The following SHANK2 variants were observed in gnomAD, a reference collection of about 807,000 sequenced individuals.
The protein encoded by SHANK2 is SH3 and multiple ankyrin repeat domains 2, also known as SH3 and multiple ankyrin repeat domains protein 2.
In SHANK2, 43 loss-of-function variants were observed where a neutral mutation model predicts 133.7. The observed-to-expected ratio is 0.32, with a 90% CI of 0.25 to 0.41. SHANK2 has a LOEUF of 0.41. SHANK2 is among the 10% of genes least tolerant of loss of function. The pLI is 1.00. For missense variants in SHANK2, 1,994 were observed against 2,235.8 expected (o/e 0.89, Z 2.18); for synonymous variants, 1,017 against 952.8 (o/e 1.07, Z -1.24).
intron 25 of SHANK2, among the ~76,000 whole-genome samples, chr11:70,477,894 C>T (rs546487371): frequency 2.0e-5 from 3 of 152,296 alleles, no homozygotes; most frequent in Admixed American, 6.5e-5. Flanking sequence ...CAGATGGTTA[C>T]GTTGCTAAGC....
chr11:71,147,728 G>T (rs1318926329), intron 2 of SHANK2, among the ~76,000 whole-genome samples: 5 of 152,246 alleles, frequency 3.3e-5, no homozygotes, highest in African/African-American at 1.2e-4. Context: ...AAAAAAGGCT[G>T]CCTTTTGTTT....
At chr11:70,837,608 T>C (rs1445609088) in intron 11 of SHANK2, among the ~76,000 whole-genome samples, 1 of 152,178 alleles carries the variant, frequency 6.6e-6, no homozygotes, top group Non-Finnish European at 1.5e-5. Context: ...CCAAGTAAAC[T>C]GTAAACTGCT....
At chr11:70,786,697 G>C (rs544399713) in intron 14 of SHANK2, among the ~76,000 whole-genome samples, 1 of 152,084 alleles carries the variant, frequency 6.6e-6, no homozygotes, top group Admixed American at 6.6e-5. Flanking sequence ...AGAACTAGAA[G>C]GGGAAAGCCA....
chr11:70,660,852 C>T lies in SHANK2; in HGVS notation c.1936+744G>A, dbSNP rs532536011. Among the ~76,000 whole-genome samples the T allele has an allele frequency of 1.7e-3, 258 of 152,360 alleles. 3 individuals carry two copies. The highest frequency in any genetic ancestry group is 5.9e-3 in the African/African-American group (246 of 41,586). ...CAGCACAGGTGCGGGACCCCTGGCA[C>T]AGCGCGTAAGCTCCAAGATGAAACT... On this transcript the variant is annotated intron_variant, in intron 16 of 25. Coordinates refer to ENST00000601538, the MANE Select transcript of SHANK2 (RefSeq NM_012309.5).
chr11:71,230,787 T>C (rs1377736969), intron 1 of SHANK2, among the ~76,000 whole-genome samples: 2 of 152,172 alleles, frequency 1.3e-5, no homozygotes, highest in African/African-American at 2.4e-5. Flanking sequence ...GCCCAACTGA[T>C]TGCTGATGAA....
chr11:71,226,462 C>T lies in SHANK2; in HGVS notation c.-112-1666G>A, dbSNP rs932322266. ...CAGATTCCAGAAGCTGAACGAATCC[C>T]AAATAGGATAAACCCAAGAAAATTC... On this transcript the variant is annotated intron_variant, in intron 1 of 25. Coordinates refer to ENST00000601538, the MANE Select transcript of SHANK2 (RefSeq NM_012309.5). 25 of 152,220 alleles carry T rather than the reference C, an allele frequency of 1.6e-4. 1 individual carries two copies. The highest frequency in any genetic ancestry group is 5.3e-4 in the African/African-American group (22 of 41,516). 9.4% of individuals were successfully genotyped at this position (152,220 alleles called of 1,614,324 possible). A position where few individuals can be genotyped will look rare whatever the true frequency, so the allele number is the denominator to read the frequency against.
chr11:70,589,590 T>TA (rs57711553), intron 17 of SHANK2, among the ~76,000 whole-genome samples: 1 of 8,280 alleles, frequency 1.2e-4, no homozygotes, highest in Non-Finnish European at 2.1e-4. Context: ...CTTTCAAGCC[T>TA]CATATTTAAG....
intron 14 of SHANK2, among the ~76,000 whole-genome samples, chr11:70,749,874 A>C (rs984151655): frequency 1.3e-5 from 2 of 152,248 alleles, no homozygotes; most frequent in Admixed American, 1.3e-4. Flanking sequence ...TATTACAAAA[A>C]ATCTAAGGAT....
In SHANK2 at chr11:71,133,248, G is replaced by A. The variant is rs1210572030; in HGVS notation, c.207+13872C>T. Among the ~76,000 whole-genome samples the A allele has an allele frequency of 3.5e-5, 5 of 140,938 alleles. No homozygotes were observed. The East Asian group carries it at 8.1e-4, about 23-fold the overall frequency. The allele number at this position is 140,938 out of a possible 152,430, so 92.5% of individuals were successfully genotyped here. Reference sequence around the variant, plus strand: ...TGGATGCACAGATGAATGGATGGATGGATGGATGGATGGATGGATGGATGG... The same window carrying A: ...TGGATGCACAGATGAATGGATGGATAGATGGATGGATGGATGGATGGATGG... On this transcript the variant is annotated intron_variant, in intron 3 of 25. Coordinates refer to ENST00000601538, the MANE Select transcript of SHANK2 (RefSeq NM_012309.5).
chr11:71,202,516 A>T lies in SHANK2; in HGVS notation c.-13+22181T>A, dbSNP rs73539413. ...TAGGACCCAGGTCTTCCAACTCCAC[A>T]CTCAACATCATACCCACATCTCAGG... On this transcript the variant is annotated intron_variant, in intron 2 of 25. Transcript: ENST00000601538. 3.0e-3 allele frequency among the ~76,000 whole-genome samples: 455 copies of T among 152,002 alleles called. 3 individuals are homozygous for T. The highest frequency in any genetic ancestry group is 0.011 in the African/African-American group (440 of 41,454).
intron 14 of SHANK2, among the ~76,000 whole-genome samples, chr11:70,756,373 C>T (rs570619099): frequency 2.6e-5 from 4 of 152,318 alleles, no homozygotes; most frequent in African/African-American, 9.6e-5. Context: ...CTCACTGATC[C>T]TGGGGGCTGG....
chr11:70,773,747 G>A (rs1947303717), intron 14 of SHANK2, among the ~76,000 whole-genome samples: 1 of 152,098 alleles, frequency 6.6e-6, no homozygotes, highest in Admixed American at 6.5e-5. Flanking sequence ...AGTTATTAGG[G>A]GAATGCAAAT....
intron 14 of SHANK2, among the ~76,000 whole-genome samples, chr11:70,707,430 C>T (rs373199350): frequency 2.7e-5 from 4 of 146,598 alleles, no homozygotes; most frequent in Non-Finnish European, 6.0e-5. Flanking sequence ...GAGGTGAGGA[C>T]AGGGTCCTGT....
intron 2 of SHANK2, among the ~76,000 whole-genome samples, chr11:71,161,280 G>A (rs1953009336): frequency 6.6e-6 from 1 of 152,182 alleles, no homozygotes. Flanking sequence ...TAGACAGCAG[G>A]TCCTGAAAGA....
chr11:70,827,915 C>G (rs1164286602), intron 11 of SHANK2, among the ~76,000 whole-genome samples: 2 of 152,238 alleles, frequency 1.3e-5, no homozygotes, highest in East Asian at 3.9e-4. Context: ...GTGAGGGCCT[C>G]TGGCTTTAGG....
chr11:70,587,342 G>C (rs949083821), intron 17 of SHANK2, among the ~76,000 whole-genome samples: 15 of 152,174 alleles, frequency 9.9e-5, no homozygotes, highest in Non-Finnish European at 1.6e-4. Context: ...GGCCCTAATG[G>C]GGCAGAGGGG....
At chr11:71,063,705 G>T (rs1951014163) in intron 9 of SHANK2, among the ~76,000 whole-genome samples, 1 of 152,132 alleles carries the variant, frequency 6.6e-6, no homozygotes, top group African/African-American at 2.4e-5. Flanking sequence ...TTATCTGACA[G>T]GTCTTTATCC....
At chr11:70,724,143 C>T (rs1555029972) in intron 14 of SHANK2, among the ~76,000 whole-genome samples, 1 of 151,580 alleles carries the variant, frequency 6.6e-6, no homozygotes, top group East Asian at 1.9e-4. Context: ...TCCAGCAATT[C>T]TCCTGCCTCA....
At chr11:71,097,394 T>C (rs1247641244) in intron 6 of SHANK2, among the ~76,000 whole-genome samples, 3 of 152,230 alleles carry the variant, frequency 2.0e-5, no homozygotes, top group Non-Finnish European at 4.4e-5. Flanking sequence ...CTGATGAGCA[T>C]GGGAACCACA....
Sources: gnomAD v4.1 joint callset for allele counts (sites outside exome capture counted in the v4.1 genomes callset) on GRCh38, gnomAD v4.1.1 for gene constraint, MANE v1.5 for transcripts, NCBI Gene and HGNC (gene_info 2026-07-23, HGNC 2026-07-21) for gene names.